Variants in CREB5 observed in about 807,000 individuals in gnomAD.
CREB5 encodes cyclic AMP-responsive element-binding protein 5.
In CREB5, 19 loss-of-function variants were observed where a neutral mutation model predicts 57.1. The ratio of observed to expected loss-of-function variants is 0.33; its 90% CI spans 0.23 to 0.49. CREB5 has a LOEUF of 0.49. Ranked by LOEUF, CREB5 falls within the 20% of genes least tolerant of loss-of-function variation. The probability of loss-of-function intolerance (pLI) is 0.99; values close to 1 mark genes in which losing one functional copy is unlikely to be tolerated. For synonymous variants in CREB5, 238 were observed against 238.3 expected, an observed-to-expected ratio of 1.00 and a Z score of 0.01; for missense variants, 579 against 671.6, an observed-to-expected ratio of 0.86 and a Z score of 1.52.
chr7:28,597,482 T>TG (rs1796729293), intron 5 of CREB5, among the ~76,000 whole-genome samples: 2 of 152,180 alleles, frequency 1.3e-5, no homozygotes, highest in African/African-American at 4.8e-5. Flanking sequence ...GGGGAATGTT[T>TG]GGAGGGACTT....
chr7:28,771,763 T>C (rs1241761456), intron 7 of CREB5, among the ~76,000 whole-genome samples: 1 of 135,972 alleles, frequency 7.4e-6, no homozygotes, highest in East Asian at 2.3e-4. Flanking sequence ...TTGCTGTGCC[T>C]GTAATATCTA....
chr7:28,320,402 C>A (rs1416805728), intron 1 of CREB5, among the ~76,000 whole-genome samples: 1 of 152,090 alleles, frequency 6.6e-6, no homozygotes, highest in Non-Finnish European at 1.5e-5. Context: ...CTGGTGGCTG[C>A]AGGGATAAAA....
intron 7 of CREB5, among the ~76,000 whole-genome samples, chr7:28,799,018 G>A (rs1433671064): frequency 6.6e-6 from 1 of 152,212 alleles, no homozygotes; most frequent in Non-Finnish European, 1.5e-5. Context: ...CTATATTTGG[G>A]AGATTTGAAT....
chr7:28,668,738 T>C (rs1799922875), intron 5 of CREB5, among the ~76,000 whole-genome samples: 4 of 152,182 alleles, frequency 2.6e-5, no homozygotes, highest in Admixed American at 2.6e-4. Flanking sequence ...TTGATATTAT[T>C]TCTATAATTT....
chr7:28,560,899 T>TGTGCGTGCGCGC (rs1554344452), intron 4 of CREB5, among the ~76,000 whole-genome samples: 4 of 18,636 alleles, frequency 2.1e-4, no homozygotes, highest in Non-Finnish European at 3.9e-4. Flanking sequence ...TGTGTGTGCG[T>TGTGCGTGCGCGC]GCGCGCGTGC....
chr7:28,623,730 A>G (rs2128687596), intron 5 of CREB5, among the ~76,000 whole-genome samples: 1 of 152,330 alleles, frequency 6.6e-6, no homozygotes, highest in Middle Eastern at 3.4e-3. Context: ...GTCATGTTAA[A>G]TGGTTTTGAA....
At chr7:28,631,544 G>T (rs575874537) in intron 5 of CREB5, among the ~76,000 whole-genome samples, 62 of 152,276 alleles carry the variant, frequency 4.1e-4, no homozygotes, top group African/African-American at 1.5e-3. Context: ...AGATGCCAGT[G>T]CTGCCTTTTT....
chr7:28,776,906 C>A (rs769145951), intron 7 of CREB5, among the ~76,000 whole-genome samples: 2 of 152,122 alleles, frequency 1.3e-5, no homozygotes, highest in Non-Finnish European at 2.9e-5. Flanking sequence ...AATAATATTC[C>A]ATTGTGTGGC....
At chr7:28,468,261 C>A (rs547473271) in intron 1 of CREB5, among the ~76,000 whole-genome samples, 70 of 152,334 alleles carry the variant, frequency 4.6e-4, no homozygotes, top group African/African-American at 1.6e-3. Flanking sequence ...GTGCCAAGCA[C>A]GTTAAAGATA....
chr7:28,438,184 C>G (rs1006704654), intron 1 of CREB5, among the ~76,000 whole-genome samples: 12 of 152,170 alleles, frequency 7.9e-5, no homozygotes, highest in Non-Finnish European at 1.8e-4. Flanking sequence ...GTAGATATTG[C>G]TTAACTCATT....
intron 4 of CREB5, among the ~76,000 whole-genome samples, chr7:28,540,066 C>T (rs771382162): frequency 9.9e-5 from 15 of 152,100 alleles, no homozygotes; most frequent in Non-Finnish European, 1.9e-4. Flanking sequence ...TTTTAAGGAA[C>T]GTTGAAGACT....
chr7:28,609,367 C>T (rs1007554568), intron 5 of CREB5, among the ~76,000 whole-genome samples: 1 of 152,086 alleles, frequency 6.6e-6, no homozygotes, highest in African/African-American at 2.4e-5. Context: ...TACCTGCTTC[C>T]GGGCTTACTG....
At chr7:28,415,847 T>G (rs1250604569) in intron 1 of CREB5, among the ~76,000 whole-genome samples, 1 of 152,210 alleles carries the variant, frequency 6.6e-6, no homozygotes, top group Admixed American at 6.5e-5. Flanking sequence ...CGGGTGATGT[T>G]TTCACTCTAG....
intron 3 of CREB5, among the ~76,000 whole-genome samples, chr7:28,504,280 A>T (rs1792386581): frequency 1.3e-5 from 2 of 152,210 alleles, no homozygotes; most frequent in Non-Finnish European, 2.9e-5. Flanking sequence ...ATGGTGTGCA[A>T]TCTCCATGGC....
chr7:28,560,823 C>CGCGCGCGCGT lies in CREB5; in HGVS notation c.292-9533_292-9532insTGCGCGCGCG, dbSNP rs1795080586. On this transcript the variant is annotated intron_variant, in intron 4 of 10. Transcript: ENST00000357727. ...GTGTGTGTGCGCGTGTGTGTGTGTGCGCGCGCGCGCGTGTGTGTGTGCGCG... is the reference window on the plus strand; with the variant it reads ...GTGTGTGTGCGCGTGTGTGTGTGTGCGCGCGCGCGTGCGCGCGCGCGTGTGTGTGTGCGCG... Among the ~76,000 whole-genome samples, 6 of 34,480 alleles carry CGCGCGCGCGT rather than the reference C, an allele frequency of 1.7e-4. 2 individuals carry two copies. Among genetic ancestry groups the CGCGCGCGCGT allele is most frequent in the Non-Finnish European group, 4.0e-4 (6 of 15,080 alleles). 22.6% of individuals were successfully genotyped at this position (34,480 alleles called of 152,430 possible).
Sources: allele counts gnomAD v4.1 joint callset (sites outside exome capture counted in the v4.1 genomes callset), GRCh38; gene constraint gnomAD v4.1.1; transcripts MANE v1.5; gene names NCBI Gene and HGNC (gene_info 2026-07-23, HGNC 2026-07-21).